Variants in SPRY3 observed in about 807,000 individuals in gnomAD.
SPRY3 encodes the protein protein sprouty homolog 3.
SPRY3 carries 15 observed loss-of-function variants against 20.2 expected under a neutral mutation model. The ratio of observed to expected loss-of-function variants is 0.74; its 90% confidence interval spans 0.50 to 1.14. SPRY3 has a LOEUF of 1.14. Among genes scored for constraint, SPRY3 ranks in the 50% most tolerant of loss-of-function variants. The pLI is 0.00. For missense variants in SPRY3, 364 were observed against 363.9 expected (o/e 1.00, Z 0.00); for synonymous variants, 143 against 136.5 (o/e 1.05, Z -0.33).
intron 2 of SPRY3, among the ~76,000 whole-genome samples, chrX:155,725,358 T>C (rs933159096): frequency 3.9e-5 from 6 of 152,118 alleles, no homozygotes; most frequent in East Asian, 1.9e-4. Context: ...GGATTCCCTC[T>C]TTTTCTATTA....
downstream of SPRY3, chrX:155,778,283 G>A (rs770681973): frequency 6.0e-6 from 1 of 166,994 alleles, no homozygotes; most frequent in Admixed American, 6.5e-5. Context: ...CTGCAACCTA[G>A]GAGTTAAAAT....
chrX:155,776,487 C>G (rs1941181372), exon 4 of SPRY3: 1 of 167,088 alleles, frequency 6.0e-6, no homozygotes, highest in African/African-American at 2.4e-5. Flanking sequence ...TGTGAACCCC[C>G]TTCAATGGGA....
At position 155,633,367 on chromosome X, in the gene SPRY3, C is replaced by T. The variant is rs181540154; in HGVS notation, c.-441+20720C>T. Reference sequence around the variant, plus strand: ...CATCCTGGCTAACAAGGTGAAACCCCGTCTCTACTAAAAAAAAAAAAAAAA... The same window carrying T: ...CATCCTGGCTAACAAGGTGAAACCCTGTCTCTACTAAAAAAAAAAAAAAAA... On this transcript the variant is annotated intron_variant, in intron 1 of 3. Transcript: ENST00000675360. 4.5e-3 allele frequency among the ~76,000 whole-genome samples: 417 copies of T among 91,756 alleles called. 2 individuals are homozygous for T. Among genetic ancestry groups the T allele is most frequent in the African/African-American group, 0.017 (403 of 23,478 alleles). The allele number at this position is 91,756 out of a possible 115,157, so 79.7% of individuals were successfully genotyped here.
At chrX:155,737,677 C>T (rs1285598124) in intron 2 of SPRY3, among the ~76,000 whole-genome samples, 1 of 152,086 alleles carries the variant, frequency 6.6e-6, no homozygotes, top group African/African-American at 2.4e-5. Context: ...TTCACTGTGG[C>T]TGGATTGTGA....
Position 155,617,999 on chromosome X carries a change from T to G in SPRY3, c.-441+5352T>G, listed in dbSNP as rs144349393. ...TGGTACAATATCAATCCAGGAAATT[T>G]ACATTGGTAAAATCCACAGAGCATA... On this transcript the variant is annotated intron_variant, in intron 1 of 3. Transcript: ENST00000675360. Among the ~76,000 whole-genome samples, 20 of 112,300 alleles carry G rather than the reference T, an allele frequency of 1.8e-4. No individual in the cohort carries two copies. In the East Asian group the frequency reaches 5.6e-3, roughly 31 times the overall value.
chrX:155,641,181 C>T (rs2067938870), intron 1 of SPRY3, among the ~76,000 whole-genome samples: 2 of 111,375 alleles, frequency 1.8e-5, no homozygotes, highest in Admixed American at 9.5e-5. Context: ...TTGAAATGAC[C>T]ATATGGTTTG....
chrX:155,754,283 G>T lies in SPRY3; in HGVS notation c.-281-13679G>T, dbSNP rs184000708. On this transcript the variant is annotated intron_variant, in intron 2 of 3. Transcript: ENST00000675360. ...TTGTACAGCATATGATTTGAAGTAGGAGTCCAACTTCATTCTTTTGCATGT... is the reference window on the plus strand; with the variant it reads ...TTGTACAGCATATGATTTGAAGTAGTAGTCCAACTTCATTCTTTTGCATGT... 1.1e-3 allele frequency among the ~76,000 whole-genome samples: 160 copies of T among 152,046 alleles called. 1 individual carries two copies. The highest frequency in any genetic ancestry group is 3.7e-3 in the African/African-American group (153 of 41,492).
intron 2 of SPRY3, among the ~76,000 whole-genome samples, chrX:155,736,591 C>T (rs181300568): frequency 6.6e-6 from 1 of 152,028 alleles, no homozygotes; most frequent in African/African-American, 2.4e-5. Context: ...ATGTTTTCCC[C>T]CTCTGGCTTC....
At chrX:155,724,035 A>C (rs893352487) in intron 2 of SPRY3, among the ~76,000 whole-genome samples, 1 of 152,152 alleles carries the variant, frequency 6.6e-6, no homozygotes, top group Non-Finnish European at 1.5e-5. Context: ...CATTTATTAG[A>C]TAGGGATTCC....
chrX:155,650,862 A>G (rs2124544837), intron 1 of SPRY3, among the ~76,000 whole-genome samples: 1 of 112,188 alleles, frequency 8.9e-6, no homozygotes, highest in East Asian at 2.8e-4. Context: ...ATTCTTCTAC[A>G]GTCACTTAAG....
chrX:155,726,147 C>G (rs1417022203), intron 2 of SPRY3, among the ~76,000 whole-genome samples: 2 of 152,106 alleles, frequency 1.3e-5, no homozygotes, highest in Non-Finnish European at 2.9e-5. Context: ...GTTTATTAAT[C>G]CTGAGTTTTA....
intron 1 of SPRY3, among the ~76,000 whole-genome samples, chrX:155,614,761 CTGTGTGTG>C (rs782400559): frequency 1.5e-4 from 17 of 110,181 alleles, no homozygotes; most frequent in African/African-American, 4.3e-4. Flanking sequence ...TTTCCTCTCT[CTGTGTGTG>C]TGTGTGTAGC....
intron 1 of SPRY3, among the ~76,000 whole-genome samples, chrX:155,633,582 A>T (rs1557350711): frequency 9.1e-6 from 1 of 110,287 alleles, no homozygotes; most frequent in African/African-American, 3.3e-5. Context: ...CTTTTGGGGG[A>T]TATTAGACAC....
intron 2 of SPRY3, among the ~76,000 whole-genome samples, chrX:155,700,881 C>T (rs1320948661): frequency 1.4e-4 from 5 of 36,288 alleles, no homozygotes; most frequent in Admixed American, 7.6e-4. Flanking sequence ...TTTGTTCTTG[C>T]GATAGTTTAC....
chrX:155,616,134 T>TCTCTCTCTCTCTCTCTCTCAC (rs1557348870), intron 1 of SPRY3, among the ~76,000 whole-genome samples: 1 of 58,433 alleles, frequency 1.7e-5, no homozygotes, highest in Non-Finnish European at 4.2e-5. Context: ...CTCTCTCCTC[T>TCTCTCTCTCTCTCTCTCTCAC]CTCTCTCTCT....
intron 2 of SPRY3, among the ~76,000 whole-genome samples, chrX:155,709,788 T>A (rs998736480): frequency 1.3e-5 from 2 of 151,804 alleles, no homozygotes; most frequent in Non-Finnish European, 3.0e-5. Flanking sequence ...AGTAGTTTCA[T>A]AAGTTTAGTC....
At chrX:155,757,967 A>C (rs73249629) in intron 2 of SPRY3, among the ~76,000 whole-genome samples, 10,367 of 152,266 alleles carry the variant, frequency 0.068, 390 homozygotes, top group Middle Eastern at 0.11. Context: ...TTCAGGCCAC[A>C]GTCATCTCTG....
intron 2 of SPRY3, among the ~76,000 whole-genome samples, chrX:155,758,429 C>T (rs1359257700): frequency 6.6e-6 from 1 of 152,152 alleles, no homozygotes; most frequent in Non-Finnish European, 1.5e-5. Context: ...AACTATTTGT[C>T]AGCTTCTGTG....
In SPRY3 at chrX:155,668,117, A is replaced by C. The variant is rs139744991; in HGVS notation, c.-282+11092A>C. 6.8e-3 allele frequency among the ~76,000 whole-genome samples: 759 copies of C among 111,198 alleles called. 6 individuals are homozygous for C. The highest frequency in any genetic ancestry group is 0.023 in the African/African-American group (718 of 30,708). ...TCACTCCTAAATGCATAACCAACAA[A>C]AACAAATGTGCATGTTCACCCAAAA... On this transcript the variant is annotated intron_variant, in intron 2 of 3. Coordinates refer to ENST00000675360, the Ensembl canonical transcript of SPRY3.
Sources: allele counts gnomAD v4.1 joint callset (sites outside exome capture counted in the v4.1 genomes callset), GRCh38; gene constraint gnomAD v4.1.1; transcripts MANE v1.5; gene names NCBI Gene and HGNC (gene_info 2026-07-23, HGNC 2026-07-21).